TRPC7: variants seen among roughly 807,000 people sequenced by gnomAD.
The protein encoded by TRPC7 is transient receptor potential cation channel subfamily C member 7, also known as short transient receptor potential channel 7.
Under a neutral mutation model 90.1 loss-of-function variants are expected in TRPC7, and 42 were observed. The observed-to-expected ratio is 0.47, with a 90% CI of 0.36 to 0.60. The LOEUF is 0.60. Among genes scored for constraint, TRPC7 ranks in the 20% least tolerant of loss-of-function variants. The probability of loss-of-function intolerance (pLI) is 0.00; values close to 1 mark genes in which losing one functional copy is unlikely to be tolerated. For missense variants in TRPC7, 955 were observed against 1,112.3 expected, an observed-to-expected ratio of 0.86 and a Z score of 2.01; for synonymous variants, 451 against 436.3, an observed-to-expected ratio of 1.03 and a Z score of -0.42.
At position 136,269,030 on chromosome 5, in the gene TRPC7, A is replaced by G. The variant is rs2546652; in HGVS notation, c.1129-2594T>C. ...CATCAGATGAGCCAAAAGAAAGGAGAAAAGTCAACCAATATATGCTAGCAG... is the reference window on the plus strand; with the variant it reads ...CATCAGATGAGCCAAAAGAAAGGAGGAAAGTCAACCAATATATGCTAGCAG... On this transcript the variant is annotated intron_variant, in intron 4 of 11. Coordinates refer to ENST00000513104, the MANE Select transcript of TRPC7 (RefSeq NM_020389.3). 8.2e-3 allele frequency among the ~76,000 whole-genome samples: 1,252 copies of G among 152,312 alleles called. 9 individuals carry two copies. Among genetic ancestry groups the G allele is most frequent in the African/African-American group, 0.023 (948 of 41,568 alleles).
At chr5:136,221,875 T>G (rs909176079) in intron 10 of TRPC7, among the ~76,000 whole-genome samples, 2 of 152,138 alleles carry the variant, frequency 1.3e-5, no homozygotes, top group South Asian at 2.1e-4. Context: ...GTGCCTGGAT[T>G]CTATGGTTTA....
At chr5:136,325,923 C>T (rs1443964905) in intron 2 of TRPC7, among the ~76,000 whole-genome samples, 2 of 152,274 alleles carry the variant, frequency 1.3e-5, no homozygotes, top group Admixed American at 6.5e-5. Flanking sequence ...CTACAACCCT[C>T]TCCCTTCCAC....
At chr5:136,257,386 T>C (rs1488205260) in intron 5 of TRPC7, among the ~76,000 whole-genome samples, 1 of 152,074 alleles carries the variant, frequency 6.6e-6, no homozygotes, top group Non-Finnish European at 1.5e-5. Context: ...TTTCACCATA[T>C]TGGCCAGGCT....
Position 136,231,529 on chromosome 5 carries a change from G to A in TRPC7, c.1865C>T (p.Thr622Ile). Residue 622 changes from threonine to isoleucine, a missense_variant, in exon 8 of 12, where the codon ACT (threonine) becomes ATT (isoleucine). Physicochemically the swap from Thr to Ile is moderately conservative, Grantham distance 89. This residue lies in a region of TRPC7 where 296 missense variants were observed against 422.7 expected (regional missense o/e 0.70). Coordinates refer to ENST00000513104, the MANE Select transcript of TRPC7 (RefSeq NM_020389.3). ...AFTTVEESFKTLFWSIFGLSE... is the reference protein window; with the variant it reads ...AFTTVEESFKILFWSIFGLSE... ...TAAGCCGAATATGGACCAAAACAAA[G>A]TTTTAAAACTTTCTTCAACCCTGCA... is the stretch of plus-strand genomic sequence containing the variant. 1 of 1,600,392 alleles carries A rather than the reference G, an allele frequency of 6.2e-7. No homozygotes were observed. The highest frequency in any genetic ancestry group is 8.5e-7 in the Non-Finnish European group (1 of 1,170,422).
chr5:136,359,657 G>A (rs1760505245), intron 1 of TRPC7, among the ~76,000 whole-genome samples: 1 of 152,048 alleles, frequency 6.6e-6, no homozygotes, highest in Admixed American at 6.6e-5. Context: ...TATTATTATA[G>A]GGTTTTCAGA....
chr5:136,312,972 CTTTTTTTTTT>C (rs34840823), intron 3 of TRPC7, among the ~76,000 whole-genome samples: 4 of 97,058 alleles, frequency 4.1e-5, no homozygotes, highest in African/African-American at 1.5e-4. Flanking sequence ...AGTAGTGATT[CTTTTTTTTTT>C]TTTTTTTTTT....
At chr5:136,284,852 A>T (rs917960153) in intron 3 of TRPC7, among the ~76,000 whole-genome samples, 1 of 152,226 alleles carries the variant, frequency 6.6e-6, no homozygotes, top group South Asian at 2.1e-4. Flanking sequence ...TTTGGGCTCC[A>T]GAGTTAGTGC....
chr5:136,279,017 G>C (rs1253949015), intron 3 of TRPC7, among the ~76,000 whole-genome samples: 3 of 152,118 alleles, frequency 2.0e-5, no homozygotes, highest in Non-Finnish European at 4.4e-5. Flanking sequence ...CTTCCTGGAA[G>C]TCTACCGGGC....
rs1217225206 is a variant in TRPC7 at position 136,357,033 on chromosome 5, C to T, written c.355G>A (p.Val119Met). 1.9e-6 allele frequency: 3 copies of T among 1,613,242 alleles called. No individual in the cohort carries two copies. The highest frequency in any genetic ancestry group is 2.5e-6 in the Non-Finnish European group (3 of 1,179,938). Reference sequence around the variant, plus strand: ...TTGAGGATGGCCTCCACGATGCGCACATAGCCCTTGCTGATGGCCAGCAGC... The same window carrying T: ...TTGAGGATGGCCTCCACGATGCGCATATAGCCCTTGCTGATGGCCAGCAGC... The part of the protein sequence containing the change: ...ALLLAISKGY[V>M]RIVEAILNHP... The change falls in exon 2 of 12, where the codon GTG (valine) becomes ATG (methionine). Residue 119 changes from valine to methionine, a missense_variant. By Grantham distance (21) the Val-to-Met change is conservative. Transcript: ENST00000513104.
chr5:136,298,898 C>G (rs1377792734), intron 3 of TRPC7, among the ~76,000 whole-genome samples: 3 of 152,086 alleles, frequency 2.0e-5, no homozygotes, highest in African/African-American at 7.2e-5. Context: ...CTGCTTCTAG[C>G]AGTGATGATT....
At chr5:136,304,586 G>A (rs550617622) in intron 3 of TRPC7, among the ~76,000 whole-genome samples, 1 of 151,958 alleles carries the variant, frequency 6.6e-6, no homozygotes, top group South Asian at 2.1e-4. Flanking sequence ...CTATTCCTTT[G>A]CACCCTTCAT....
intron 2 of TRPC7, among the ~76,000 whole-genome samples, chr5:136,340,828 G>A (rs1759823165): frequency 6.6e-6 from 1 of 151,998 alleles, no homozygotes; most frequent in South Asian, 2.1e-4. Flanking sequence ...AAAGACACCG[G>A]AAGACAATTC....
intron 1 of TRPC7, among the ~76,000 whole-genome samples, chr5:136,358,662 C>T (rs1760466253): frequency 6.6e-6 from 1 of 152,148 alleles, no homozygotes; most frequent in Non-Finnish European, 1.5e-5. Context: ...AGGGATATGC[C>T]ATCTCCAGCT....
chr5:136,303,823 C>T (rs1385282317), intron 3 of TRPC7: 3 of 151,732 alleles, frequency 2.0e-5, no homozygotes, highest in Admixed American at 6.6e-5. Flanking sequence ...TAGACCATCA[C>T]GGATGCCGAG....
chr5:136,335,260 C>A (rs1759617172), intron 2 of TRPC7, among the ~76,000 whole-genome samples: 1 of 152,052 alleles, frequency 6.6e-6, no homozygotes, highest in Non-Finnish European at 1.5e-5. Context: ...GGTCATCTAC[C>A]CTGGTAAGTC....
intron 2 of TRPC7, among the ~76,000 whole-genome samples, chr5:136,321,899 A>T (rs1477367947): frequency 1.3e-5 from 2 of 152,170 alleles, no homozygotes; most frequent in East Asian, 3.8e-4. Flanking sequence ...TCTATTTCAC[A>T]TCCACTATAT....
chr5:136,304,587 C>T (rs1387284509), intron 3 of TRPC7, among the ~76,000 whole-genome samples: 3 of 152,112 alleles, frequency 2.0e-5, no homozygotes, highest in African/African-American at 4.8e-5. Flanking sequence ...TATTCCTTTG[C>T]ACCCTTCATC....
At chr5:136,350,313 C>T (rs1760149601) in intron 2 of TRPC7, among the ~76,000 whole-genome samples, 1 of 152,178 alleles carries the variant, frequency 6.6e-6, no homozygotes, top group Non-Finnish European at 1.5e-5. Flanking sequence ...TTCTCAGCCT[C>T]AAGGAGATGA....
intron 10 of TRPC7, among the ~76,000 whole-genome samples, chr5:136,224,386 A>G (rs1407575105): frequency 6.6e-6 from 1 of 152,060 alleles, no homozygotes; most frequent in African/African-American, 2.4e-5. Context: ...TCTTTTTCTA[A>G]TTTTTCTGAC....
Sources: gnomAD v4.1 joint callset for allele counts (sites outside exome capture counted in the v4.1 genomes callset) on GRCh38, gnomAD v4.1.1 for gene constraint, gnomAD v4.1.1 regional missense constraint, MANE v1.5 for transcripts, NCBI Gene and HGNC (gene_info 2026-07-23, HGNC 2026-07-21) for gene names.